TAFA4: variants seen among roughly 807,000 people sequenced by gnomAD.
The protein encoded by TAFA4 is TAFA chemokine like family member 4, also known as chemokine-like protein TAFA-4.
A neutral mutation model predicts 21.1 loss-of-function variants in TAFA4; 20 were observed. The ratio of observed to expected loss-of-function variants is 0.95; its 90% CI spans 0.67 to 1.38. The LOEUF (loss-of-function observed/expected upper bound fraction) is 1.38, where lower values mean the gene tolerates loss of function less well. Ranked by LOEUF, TAFA4 falls within the 40% of genes most tolerant of loss-of-function variation. TAFA4 has a pLI of 0.00. For missense variants in TAFA4, 211 were observed against 180.9 expected (o/e 1.17, Z -0.95); for synonymous variants, 71 against 67.4 (o/e 1.05, Z -0.26).
chr3:68,737,242 G>T (rs1270853022), intron 5 of TAFA4, among the ~76,000 whole-genome samples: 1 of 152,128 alleles, frequency 6.6e-6, no homozygotes, highest in Non-Finnish European at 1.5e-5. Flanking sequence ...CACTTAGGAA[G>T]GAATTAGGAA....
intron 4 of TAFA4, among the ~76,000 whole-genome samples, chr3:68,743,525 G>A (rs149447825): frequency 4.0e-5 from 6 of 149,992 alleles, no homozygotes; most frequent in East Asian, 2.0e-4. Context: ...GCAGTGAGCC[G>A]AGATCGCGCC....
At chr3:68,886,442 G>A (rs867890609) in intron 1 of TAFA4, among the ~76,000 whole-genome samples, 1 of 152,056 alleles carries the variant, frequency 6.6e-6, no homozygotes. Context: ...TCCACCCAAC[G>A]GCATGATGTG....
chr3:68,775,856 C>T (rs137866706), intron 3 of TAFA4, among the ~76,000 whole-genome samples: 3 of 152,202 alleles, frequency 2.0e-5, no homozygotes, highest in Non-Finnish European at 4.4e-5. Context: ...ATAATATTTA[C>T]TTCAGTATCC....
intron 1 of TAFA4, among the ~76,000 whole-genome samples, chr3:68,897,639 T>C (rs200310478): frequency 1.0e-5 from 1 of 98,350 alleles, no homozygotes; most frequent in African/African-American, 3.9e-5. Context: ...AAAAAAAAAA[T>C]ATTTATTTTT....
chr3:68,745,724 A>G (rs912971434), intron 4 of TAFA4, among the ~76,000 whole-genome samples: 2 of 152,264 alleles, frequency 1.3e-5, no homozygotes, highest in Non-Finnish European at 2.9e-5. Context: ...TCGGTTAAAC[A>G]GAACACAATT....
At chr3:68,837,119 T>C (rs540419875) in intron 3 of TAFA4, among the ~76,000 whole-genome samples, 5 of 152,326 alleles carry the variant, frequency 3.3e-5, no homozygotes, top group South Asian at 4.1e-4. Flanking sequence ...AGTTGAATAA[T>C]TGCAACAGAG....
At chr3:68,858,970 A>G (rs946693411) in intron 3 of TAFA4, among the ~76,000 whole-genome samples, 1 of 151,976 alleles carries the variant, frequency 6.6e-6, no homozygotes, top group Non-Finnish European at 1.5e-5. Context: ...AGAGAATGAA[A>G]AATGTCCCAT....
chr3:68,908,648 A>ACACTGC (rs1295475913), intron 1 of TAFA4, among the ~76,000 whole-genome samples: 6 of 152,266 alleles, frequency 3.9e-5, no homozygotes, highest in Non-Finnish European at 7.3e-5. Context: ...GAGAGAAGAA[A>ACACTGC]CACTGCTCTC....
At chr3:68,898,645 C>CA (rs1455731123) in intron 1 of TAFA4, among the ~76,000 whole-genome samples, 1 of 151,930 alleles carries the variant, frequency 6.6e-6, no homozygotes, top group Non-Finnish European at 1.5e-5. Context: ...GATTCCATCT[C>CA]AAAAAAATAA....
intron 3 of TAFA4, among the ~76,000 whole-genome samples, chr3:68,774,270 A>G (rs1056214665): frequency 2.6e-5 from 4 of 152,232 alleles, no homozygotes; most frequent in African/African-American, 9.6e-5. Flanking sequence ...CTACTGAATT[A>G]TTTCATTCTG....
At chr3:68,799,128 C>G (rs116487002) in intron 3 of TAFA4, among the ~76,000 whole-genome samples, 1 of 152,140 alleles carries the variant, frequency 6.6e-6, no homozygotes, top group African/African-American at 2.4e-5. Context: ...AAGATGTTCA[C>G]GTCCTAATTC....
chr3:68,906,908 G>A (rs1341222414), intron 1 of TAFA4, among the ~76,000 whole-genome samples: 1 of 151,868 alleles, frequency 6.6e-6, no homozygotes, highest in Non-Finnish European at 1.5e-5. Context: ...GCGCATACCT[G>A]TGGTCTCAGT....
At chr3:68,819,392 T>A (rs1704066316) in intron 3 of TAFA4, among the ~76,000 whole-genome samples, 1 of 152,102 alleles carries the variant, frequency 6.6e-6, no homozygotes, top group Non-Finnish European at 1.5e-5. Flanking sequence ...AACTCCAGTA[T>A]TATGTTGAGT....
At chr3:68,841,748 C>T (rs1341917521) in intron 3 of TAFA4, among the ~76,000 whole-genome samples, 1 of 151,912 alleles carries the variant, frequency 6.6e-6, no homozygotes, top group African/African-American at 2.4e-5. Context: ...TCCCTGTGTC[C>T]GTGTGTTCTC....
intron 1 of TAFA4, among the ~76,000 whole-genome samples, chr3:68,924,052 T>C (rs1042944329): frequency 1.3e-5 from 2 of 152,268 alleles, no homozygotes; most frequent in East Asian, 1.9e-4. Flanking sequence ...ACAGCTACCA[T>C]AGAAAAACAG....
intron 3 of TAFA4, among the ~76,000 whole-genome samples, chr3:68,832,094 G>T (rs1275660927): frequency 6.6e-6 from 1 of 152,044 alleles, no homozygotes; most frequent in Non-Finnish European, 1.5e-5. Context: ...CTTTTTTCAA[G>T]GTTTTCAGCT....
chr3:68,900,073 T>C (rs1402841183), intron 1 of TAFA4, among the ~76,000 whole-genome samples: 2 of 65,452 alleles, frequency 3.1e-5, no homozygotes, highest in Non-Finnish European at 6.1e-5. Context: ...ACCCTGTCTC[T>C]ACACACACAA....
chr3:68,929,807 C>G (rs1159933080), intron 1 of TAFA4, among the ~76,000 whole-genome samples: 1 of 152,210 alleles, frequency 6.6e-6, no homozygotes, highest in East Asian at 1.9e-4. Context: ...AACTGGGCAG[C>G]TAACGGAGAG....
chr3:68,831,383 T>C (rs889108683), intron 3 of TAFA4, among the ~76,000 whole-genome samples: 2 of 152,200 alleles, frequency 1.3e-5, no homozygotes, highest in Admixed American at 6.5e-5. Flanking sequence ...GCAAGCCTGG[T>C]GGTGATAAAA....
Sources: gnomAD v4.1 joint callset for allele counts (sites outside exome capture counted in the v4.1 genomes callset) on GRCh38, gnomAD v4.1.1 for gene constraint, MANE v1.5 for transcripts, NCBI Gene and HGNC (gene_info 2026-07-23, HGNC 2026-07-21) for gene names.